XCR1: variants seen among roughly 807,000 people sequenced by gnomAD.
XCR1 encodes the protein chemokine XC receptor 1.
For missense variants in XCR1, 356 were observed against 424.2 expected, an observed-to-expected ratio of 0.84 and a Z score of 1.41; for synonymous variants, 187 against 188.5, an observed-to-expected ratio of 0.99 and a Z score of 0.06.
At chr3:46,079,013 C>T (rs1698310293) in intron 1 of XCR1, among the ~76,000 whole-genome samples, 1 of 152,166 alleles carries the variant, frequency 6.6e-6, no homozygotes, top group Non-Finnish European at 1.5e-5. Flanking sequence ...TCTGAGACAA[C>T]GTAAGAGAGC....
intron 1 of XCR1, among the ~76,000 whole-genome samples, chr3:46,085,606 A>G (rs1327356335): frequency 6.6e-6 from 1 of 152,152 alleles, no homozygotes; most frequent in Non-Finnish European, 1.5e-5. Context: ...TTTCACTCCC[A>G]AGGTCAGGAG....
intron 4 of XCR1, among the ~76,000 whole-genome samples, chr3:46,059,889 A>G (rs1239524422): frequency 2.0e-5 from 3 of 152,262 alleles, no homozygotes; most frequent in Non-Finnish European, 4.4e-5. Flanking sequence ...TTAACATGAT[A>G]CAACTGAAAT....
At chr3:46,034,113 C>G (rs564650160) in intron 5 of XCR1, among the ~76,000 whole-genome samples, 1 of 152,264 alleles carries the variant, frequency 6.6e-6, no homozygotes, top group Admixed American at 6.5e-5. Flanking sequence ...GCTGGGATTA[C>G]AGGTGCCTGC....
intron 5 of XCR1, among the ~76,000 whole-genome samples, chr3:46,033,826 C>T (rs573280541): frequency 2.2e-3 from 339 of 152,154 alleles, no homozygotes; most frequent in Non-Finnish European, 3.9e-3. Flanking sequence ...TTTAGGTCTT[C>T]GTTGATTTCT....
At chr3:46,066,899 T>C (rs1011761261) in exon 4 of XCR1, among the ~76,000 whole-genome samples, 4 of 152,212 alleles carry the variant, frequency 2.6e-5, no homozygotes, top group African/African-American at 9.7e-5. Context: ...AGATACTTAC[T>C]ACATAGATGG....
intron 4 of XCR1, among the ~76,000 whole-genome samples, chr3:46,063,023 GGTT>G (rs1407763408): frequency 6.6e-6 from 1 of 152,182 alleles, no homozygotes; most frequent in African/African-American, 2.4e-5. Flanking sequence ...TTAGAGACCT[GGTT>G]GTTAAAATTT....
intron 3 of XCR1, among the ~76,000 whole-genome samples, chr3:46,072,517 C>G (rs1698179955): frequency 6.6e-6 from 1 of 151,860 alleles, no homozygotes; most frequent in Non-Finnish European, 1.5e-5. Flanking sequence ...GAAAATAAAA[C>G]AAATAAAAAC....
At chr3:46,028,231 G>C (rs970209733), upstream of XCR1, among the ~76,000 whole-genome samples, 6 of 152,048 alleles carry the variant, frequency 3.9e-5, no homozygotes, top group African/African-American at 1.5e-4. Context: ...CTCACCAGTG[G>C]GGGGAGTAAA....
At chr3:46,084,080 C>G (rs921142701) in intron 1 of XCR1, among the ~76,000 whole-genome samples, 1 of 152,098 alleles carries the variant, frequency 6.6e-6, no homozygotes, top group African/African-American at 2.4e-5. Context: ...GATGATGGAG[C>G]AAACAACAGC....
chr3:46,066,268 C>T lies in XCR1; in HGVS notation c.-183+631G>A, dbSNP rs536462593. Among the ~76,000 whole-genome samples, 8 of 142,466 alleles carry T rather than the reference C, an allele frequency of 5.6e-5. No individual in the cohort carries two copies. The East Asian group carries it at 6.6e-4, about 12-fold the overall frequency. 93.5% of individuals were successfully genotyped at this position (142,466 alleles called of 152,430 possible). The stretch of plus-strand genomic sequence containing the variant: ...TTTCTTTCTTTTTCTTTCTTTTCTT[C>T]GGAGTCTCACTCTGTCACCAGGCTG... On this transcript the variant is annotated intron_variant, in intron 4 of 5. Transcript: ENST00000683768.
chr3:46,074,428 A>G (rs1698219572), intron 3 of XCR1, among the ~76,000 whole-genome samples: 1 of 151,994 alleles, frequency 6.6e-6, no homozygotes, highest in Non-Finnish European at 1.5e-5. Flanking sequence ...ACACATGGAC[A>G]TAGAATGTGG....
At chr3:46,025,269 TG>T (rs61301137) in intron 1 of XCR1, among the ~76,000 whole-genome samples, 13,161 of 152,240 alleles carry the variant, frequency 0.086, 1,936 homozygotes, top group African/African-American at 0.3. Flanking sequence ...CAAGGAGCAG[TG>T]GCTCATGCCT....
chr3:46,031,026 C>A (rs536471109), upstream of XCR1, among the ~76,000 whole-genome samples: 1 of 152,196 alleles, frequency 6.6e-6, no homozygotes, highest in Non-Finnish European at 1.5e-5. Flanking sequence ...GGGGAAAATG[C>A]GGAGAGGAGG....
intron 1 of XCR1, among the ~76,000 whole-genome samples, chr3:46,077,747 C>T (rs1299420873): frequency 2.6e-5 from 4 of 152,172 alleles, no homozygotes. Context: ...TCAGTCCACT[C>T]CTTGCTCACT....
intron 4 of XCR1, among the ~76,000 whole-genome samples, chr3:46,056,323 G>A (rs1051968074): frequency 3.3e-5 from 5 of 152,138 alleles, no homozygotes; most frequent in South Asian, 2.1e-4. Context: ...GATTACAGGC[G>A]TGAGCCACTG....
At chr3:46,064,540 G>T (rs1419328662) in intron 4 of XCR1, among the ~76,000 whole-genome samples, 1 of 152,166 alleles carries the variant, frequency 6.6e-6, no homozygotes, top group African/African-American at 2.4e-5. Flanking sequence ...TTGACTGATA[G>T]AATGTGGCTG....
intron 4 of XCR1, among the ~76,000 whole-genome samples, chr3:46,057,662 C>T (rs13096741): frequency 0.09 from 13,722 of 152,008 alleles, 1,004 homozygotes; most frequent in South Asian, 0.34. Flanking sequence ...CTAGGAGGCC[C>T]GATTCCTCCT....
Position 46,018,030 on chromosome 3 carries a change from C to G in XCR1, c.*2916G>C, listed in dbSNP as rs916750620. 17 of 152,256 alleles carry G rather than the reference C, an allele frequency of 1.1e-4. No individual in the cohort carries two copies. The highest frequency in any genetic ancestry group is 8.5e-4 in the Admixed American group (13 of 15,286). The allele number at this position is 152,256 out of a possible 1,614,324, so 9.4% of individuals were successfully genotyped here. On this transcript the variant is annotated 3_prime_UTR_variant, in exon 2 of 2. Transcript: ENST00000309285. The stretch of plus-strand genomic sequence containing the variant: ...CTGACTGGGTTACCCTTCTATCTTC[C>G]TATTCATACTTCTCTTTGTGCCTCT...
At chr3:46,038,835 T>C (rs547693970) in intron 5 of XCR1, among the ~76,000 whole-genome samples, 1 of 152,368 alleles carries the variant, frequency 6.6e-6, no homozygotes, top group Non-Finnish European at 1.5e-5. Flanking sequence ...TGGTTTTACA[T>C]CTTTTCCTGT....
Sources: gnomAD v4.1 joint callset for allele counts (sites outside exome capture counted in the v4.1 genomes callset) on GRCh38, gnomAD v4.1.1 for gene constraint, MANE v1.5 for transcripts, NCBI Gene and HGNC (gene_info 2026-07-23, HGNC 2026-07-21) for gene names.